The following DPP6 variants were observed in gnomAD, a reference collection of about 807,000 sequenced individuals.
DPP6 encodes A-type potassium channel modulatory protein DPP6.
A neutral mutation model predicts 122.6 loss-of-function variants in DPP6; 69 were observed. That is an observed-to-expected ratio of 0.56 (90% CI 0.46 to 0.69). DPP6 has a LOEUF of 0.69. Among genes scored for constraint, DPP6 ranks in the 30% least tolerant of loss-of-function variants. DPP6 has a pLI of 0.00. For synonymous variants in DPP6, 418 were observed against 433.1 expected (o/e 0.97, Z 0.43); for missense variants, 928 against 1,116.9 (o/e 0.83, Z 2.41).
intron 1 of DPP6, among the ~76,000 whole-genome samples, chr7:154,114,036 A>G (rs374096168): frequency 3.3e-5 from 5 of 151,932 alleles, no homozygotes; most frequent in African/African-American, 1.2e-4. Context: ...AATTATTTCT[A>G]TTTGCGGATG....
At chr7:153,765,612 T>TG in the DPP6 span, among the ~76,000 whole-genome samples, 2 of 152,052 alleles carry the variant, frequency 1.3e-5, no homozygotes, top group Non-Finnish European at 2.9e-5. Context: ...GTCAGTGCTA[T>TG]CTACATTCAG....
intron 1 of DPP6, among the ~76,000 whole-genome samples, chr7:154,279,132 T>C (rs903215337): frequency 2.6e-5 from 4 of 151,226 alleles, no homozygotes; most frequent in African/African-American, 9.8e-5. Flanking sequence ...GGCATGTGTG[T>C]GTATCTATGT....
chr7:153,805,022 T>C, the DPP6 span, among the ~76,000 whole-genome samples: 1 of 152,220 alleles, frequency 6.6e-6, no homozygotes, highest in African/African-American at 2.4e-5. Flanking sequence ...ACCCTGGATG[T>C]GAAGACATTT....
At position 154,701,156 on chromosome 7, in the gene DPP6, C is replaced by T. The variant is rs533858138; in HGVS notation, c.763-26611C>T. ...GAGTTCCCAGGTGAAGGTCAGGCCG[C>T]AAGAATTAACCTGCACTCTAGAGTC... On this transcript the variant is annotated intron_variant, in intron 7 of 25. Transcript: ENST00000377770. Among the ~76,000 whole-genome samples the T allele has an allele frequency of 1.9e-4, 29 of 152,248 alleles. No homozygotes were observed. In the Middle Eastern group the frequency reaches 0.017, roughly 89 times the overall value.
At chr7:154,588,318 A>G (rs2130714646) in intron 5 of DPP6, 1 of 643,888 alleles carries the variant, frequency 1.6e-6, no homozygotes, top group Non-Finnish European at 2.4e-6. Context: ...TGGGAAGGAG[A>G]CTGGCTCTCC....
At chr7:154,023,950 T>C (rs1230259804) in intron 1 of DPP6, among the ~76,000 whole-genome samples, 1 of 152,208 alleles carries the variant, frequency 6.6e-6, no homozygotes, top group African/African-American at 2.4e-5. Flanking sequence ...CCCAACAGCT[T>C]ACCTGCAGCA....
intron 8 of DPP6, among the ~76,000 whole-genome samples, chr7:154,762,753 C>T (rs1217501577): frequency 1.3e-5 from 2 of 152,246 alleles, no homozygotes; most frequent in Admixed American, 1.3e-4. Flanking sequence ...AACTCAGGAA[C>T]ATTTTATGTT....
At chr7:154,694,441 G>A (rs550478417) in intron 7 of DPP6, among the ~76,000 whole-genome samples, 199 of 152,232 alleles carry the variant, frequency 1.3e-3, no homozygotes, top group South Asian at 2.3e-3. Flanking sequence ...GGGAAACCCC[G>A]TCTCCACTAA....
intron 1 of DPP6, among the ~76,000 whole-genome samples, chr7:153,968,248 C>G (rs1367093567): frequency 6.6e-6 from 1 of 150,532 alleles, no homozygotes; most frequent in East Asian, 1.9e-4. Flanking sequence ...GAGTTGGTAT[C>G]TCATTGTGCA....
chr7:153,872,405 G>A, the DPP6 span, among the ~76,000 whole-genome samples: 1 of 152,196 alleles, frequency 6.6e-6, no homozygotes, highest in Non-Finnish European at 1.5e-5. Context: ...GGCCATGGCA[G>A]TAAGAACTGG....
At chr7:154,255,049 C>CA (rs771470820) in intron 1 of DPP6, among the ~76,000 whole-genome samples, 2 of 151,772 alleles carry the variant, frequency 1.3e-5, no homozygotes, top group African/African-American at 4.8e-5. Flanking sequence ...ACCACATGGG[C>CA]AAAAAAATAA....
chr7:154,830,561 T>C (rs916771859), intron 16 of DPP6, among the ~76,000 whole-genome samples: 1 of 152,198 alleles, frequency 6.6e-6, no homozygotes, highest in South Asian at 2.1e-4. Context: ...ACCAGCAAGG[T>C]GGTTTCTTGA....
At chr7:154,450,055 A>AATAAATGT (rs2151296156) in intron 2 of DPP6, among the ~76,000 whole-genome samples, 1 of 143,020 alleles carries the variant, frequency 7.0e-6, no homozygotes, top group East Asian at 2.0e-4. Context: ...TAAATAAATA[A>AATAAATGT]ATGTGATGTA....
intron 1 of DPP6, among the ~76,000 whole-genome samples, chr7:154,127,566 T>TG (rs1305484427): frequency 6.7e-6 from 1 of 149,858 alleles, no homozygotes; most frequent in Non-Finnish European, 1.5e-5. Flanking sequence ...CTGGTCATGC[T>TG]GGGGGAGTTG....
chr7:153,841,255 T>C, the DPP6 span, among the ~76,000 whole-genome samples: 2 of 152,222 alleles, frequency 1.3e-5, no homozygotes, highest in Non-Finnish European at 2.9e-5. Context: ...TACACAAAGA[T>C]GCATTGTCGT....
At chr7:154,091,563 GTC>G (rs766129780) in intron 1 of DPP6, among the ~76,000 whole-genome samples, 2 of 152,124 alleles carry the variant, frequency 1.3e-5, no homozygotes, top group Non-Finnish European at 1.5e-5. Context: ...ATTTGAGAAA[GTC>G]TCTCGCGGTA....
chr7:154,505,607 A>G (rs1825604629), intron 3 of DPP6, among the ~76,000 whole-genome samples: 1 of 152,182 alleles, frequency 6.6e-6, no homozygotes, highest in African/African-American at 2.4e-5. Flanking sequence ...TTTATAGAAT[A>G]TTCTTCAATT....
chr7:154,130,104 A>T (rs1563229274), intron 1 of DPP6, among the ~76,000 whole-genome samples: 1 of 152,040 alleles, frequency 6.6e-6, no homozygotes, highest in Non-Finnish European at 1.5e-5. Context: ...ACACACAAAA[A>T]AAAAAGGAAA....
chr7:154,533,548 AAATAG>A (rs1223428045), intron 3 of DPP6, among the ~76,000 whole-genome samples: 1 of 152,198 alleles, frequency 6.6e-6, no homozygotes, highest in African/African-American at 2.4e-5. Context: ...TTTTTTCAGA[AAATAG>A]AATAGAATGG....
Sources: gnomAD v4.1 joint callset for allele counts (sites outside exome capture counted in the v4.1 genomes callset) on GRCh38, gnomAD v4.1.1 for gene constraint, MANE v1.5 for transcripts, NCBI Gene and HGNC (gene_info 2026-07-23, HGNC 2026-07-21) for gene names.